The following EEFSEC variants were observed in gnomAD, a reference collection of about 807,000 sequenced individuals.
EEFSEC encodes selenocysteine-specific elongation factor.
In EEFSEC, 43 loss-of-function variants were observed where a neutral mutation model predicts 42.1. The ratio of observed to expected loss-of-function variants is 1.02; its 90% CI spans 0.80 to 1.32. The LOEUF (loss-of-function observed/expected upper bound fraction) is 1.32. Ranked by LOEUF, EEFSEC falls within the 40% of genes most tolerant of loss-of-function variation. EEFSEC has a pLI of 0.00. For missense variants in EEFSEC, 745 were observed against 803.6 expected, an observed-to-expected ratio of 0.93 and a Z score of 0.88; for synonymous variants, 354 against 339.1, an observed-to-expected ratio of 1.04 and a Z score of -0.48.
At chr3:128,167,900 A>G (rs2065257338) in intron 1 of EEFSEC, among the ~76,000 whole-genome samples, 1 of 152,136 alleles carries the variant, frequency 6.6e-6, no homozygotes, top group South Asian at 2.1e-4. Flanking sequence ...GGTTGTTTAA[A>G]TCTGCCGGAG....
intron 6 of EEFSEC, among the ~76,000 whole-genome samples, chr3:128,369,005 C>A (rs572607905): frequency 4.9e-4 from 74 of 152,354 alleles, no homozygotes; most frequent in Middle Eastern, 3.4e-3. Flanking sequence ...AGTTGGGCCA[C>A]AATGTGTGGT....
intron 1 of EEFSEC, among the ~76,000 whole-genome samples, chr3:128,245,153 T>G (rs1459272882): frequency 6.6e-6 from 1 of 152,138 alleles, no homozygotes; most frequent in Non-Finnish European, 1.5e-5. Context: ...GAAGGCTGTT[T>G]GGAGGATGGA....
intron 1 of EEFSEC, among the ~76,000 whole-genome samples, chr3:128,160,870 A>G (rs1295371923): frequency 1.3e-5 from 2 of 152,156 alleles, no homozygotes; most frequent in Non-Finnish European, 2.9e-5. Flanking sequence ...ATCTCCCTTG[A>G]TGCATGTGGC....
intron 4 of EEFSEC, among the ~76,000 whole-genome samples, chr3:128,289,795 A>C (rs73197373): frequency 0.013 from 2,026 of 152,324 alleles, 20 homozygotes; most frequent in South Asian, 0.026. Context: ...AGTGGCAGAC[A>C]TCTGTCTCAT....
intron 5 of EEFSEC, among the ~76,000 whole-genome samples, chr3:128,345,179 G>A (rs1259903058): frequency 6.6e-6 from 1 of 152,222 alleles, no homozygotes; most frequent in African/African-American, 2.4e-5. Flanking sequence ...AAGGTGAGAT[G>A]GGGGATTGCA....
At chr3:128,267,178 G>A (rs2066363419) in intron 4 of EEFSEC, among the ~76,000 whole-genome samples, 1 of 152,160 alleles carries the variant, frequency 6.6e-6, no homozygotes, top group African/African-American at 2.4e-5. Flanking sequence ...TAGGGCTGAG[G>A]GCATGGAGAA....
At chr3:128,268,065 G>A (rs542797853) in intron 4 of EEFSEC, among the ~76,000 whole-genome samples, 1 of 152,214 alleles carries the variant, frequency 6.6e-6, no homozygotes, top group Non-Finnish European at 1.5e-5. Flanking sequence ...CTGAGAGCAG[G>A]GCTCTGGAAA....
chr3:128,184,534 A>G (rs1361850803), intron 1 of EEFSEC, among the ~76,000 whole-genome samples: 1 of 152,174 alleles, frequency 6.6e-6, no homozygotes, highest in Non-Finnish European at 1.5e-5. Flanking sequence ...ATTCCTTTGT[A>G]TATATATTTT....
In EEFSEC at chr3:128,341,369, C is replaced by G; in HGVS notation, c.923C>G (p.Ser308Cys). Residue 308 changes from serine to cysteine, a missense_variant, in exon 5 of 7, where the codon TCC becomes TGC. By Grantham distance (112) the Ser-to-Cys change is moderately radical (BLOSUM62 -1). Coordinates refer to ENST00000254730, the MANE Select transcript of EEFSEC (RefSeq NM_021937.5). ...LERGLVCAPE[S>C]LHTVHAALIS... Reference sequence around the variant, plus strand: ...CGCGGGTTGGTGTGTGCCCCCGAGTCCCTGCACACTGTCCATGCGGCCCTC... The same window carrying G: ...CGCGGGTTGGTGTGTGCCCCCGAGTGCCTGCACACTGTCCATGCGGCCCTC... The G allele has an allele frequency of 6.2e-7, 1 of 1,614,188 alleles. No individual in the cohort carries two copies. The highest frequency in any genetic ancestry group is 8.5e-7 in the Non-Finnish European group (1 of 1,180,042).
intron 4 of EEFSEC, among the ~76,000 whole-genome samples, chr3:128,298,515 T>TC (rs1339234655): frequency 6.6e-6 from 1 of 152,256 alleles, no homozygotes; most frequent in African/African-American, 2.4e-5. Context: ...GATACATTCA[T>TC]GCAGTGTGTA....
chr3:128,410,796 A>C (rs1377176812), downstream of EEFSEC, among the ~76,000 whole-genome samples: 1 of 152,012 alleles, frequency 6.6e-6, no homozygotes, highest in African/African-American at 2.4e-5. Flanking sequence ...ACCAGCCCCA[A>C]ATAAGCCGTT....
intron 1 of EEFSEC, among the ~76,000 whole-genome samples, chr3:128,236,950 G>A (rs548922653): frequency 2.0e-5 from 3 of 152,266 alleles, no homozygotes; most frequent in Non-Finnish European, 4.4e-5. Context: ...TGGACTGTGA[G>A]TTCTCGATTG....
chr3:128,200,769 CTTTG>C (rs1222399495), intron 1 of EEFSEC, among the ~76,000 whole-genome samples: 1 of 152,170 alleles, frequency 6.6e-6, no homozygotes, highest in Non-Finnish European at 1.5e-5. Context: ...TGGAATAAGC[CTTTG>C]TTCTTTGCAA....
At chr3:128,212,384 C>A (rs1344959140) in intron 1 of EEFSEC, among the ~76,000 whole-genome samples, 3 of 152,188 alleles carry the variant, frequency 2.0e-5, no homozygotes, top group African/African-American at 7.2e-5. Context: ...CACCATGCTT[C>A]TGCTGGCCTG....
intron 4 of EEFSEC, among the ~76,000 whole-genome samples, chr3:128,303,784 C>T (rs142191866): frequency 4.3e-4 from 66 of 152,290 alleles, no homozygotes; most frequent in Middle Eastern, 3.4e-3. Flanking sequence ...ATTATAAATT[C>T]ACCCATACGT....
At chr3:128,313,362 T>A (rs2066911090) in intron 4 of EEFSEC, among the ~76,000 whole-genome samples, 1 of 152,268 alleles carries the variant, frequency 6.6e-6, no homozygotes, top group Non-Finnish European at 1.5e-5. Flanking sequence ...GCACTCATGT[T>A]TCTGGTCGAT....
At chr3:128,338,336 T>G (rs1253842006) in intron 4 of EEFSEC, among the ~76,000 whole-genome samples, 1 of 151,848 alleles carries the variant, frequency 6.6e-6, no homozygotes, top group Admixed American at 6.6e-5. Context: ...ACCACACAGG[T>G]AGGTATGAGT....
At chr3:128,227,199 A>C (rs2065916675) in intron 1 of EEFSEC, among the ~76,000 whole-genome samples, 1 of 152,164 alleles carries the variant, frequency 6.6e-6, no homozygotes, top group South Asian at 2.1e-4. Flanking sequence ...ATTCATTTAC[A>C]TTGCTTGCTT....
At chr3:128,330,090 A>G (rs1225936293) in intron 4 of EEFSEC, among the ~76,000 whole-genome samples, 1 of 152,224 alleles carries the variant, frequency 6.6e-6, no homozygotes, top group East Asian at 1.9e-4. Context: ...AGTTGTATAG[A>G]AAACAGAAGA....
Sources: allele counts gnomAD v4.1 joint callset (sites outside exome capture counted in the v4.1 genomes callset), GRCh38; gene constraint gnomAD v4.1.1; transcripts MANE v1.5; gene names NCBI Gene and HGNC (gene_info 2026-07-23, HGNC 2026-07-21).